Variants in KDM4C observed in about 807,000 individuals in gnomAD.
KDM4C encodes the protein lysine demethylase 4C, also known as lysine-specific demethylase 4C.
A neutral mutation model predicts 129.3 loss-of-function variants in KDM4C; 81 were observed. The ratio of observed to expected loss-of-function variants is 0.63; its 90% CI spans 0.52 to 0.75. The LOEUF (loss-of-function observed/expected upper bound fraction) is 0.75, where lower values mean the gene tolerates loss of function less well. Among genes scored for constraint, KDM4C ranks in the 30% least tolerant of loss-of-function variants. The pLI is 0.00. For missense variants in KDM4C, 1,457 were observed against 1,304.0 expected (o/e 1.12, Z -1.81); for synonymous variants, 573 against 456.1 (o/e 1.26, Z -3.26).
intron 12 of KDM4C, among the ~76,000 whole-genome samples, chr9:7,008,751 G>A (rs1328808898): frequency 6.6e-6 from 1 of 152,190 alleles, no homozygotes; most frequent in African/African-American, 2.4e-5. Flanking sequence ...TTAGGCTCCA[G>A]ATCCAACCCC....
At chr9:7,004,358 A>G (rs1442080119) in intron 12 of KDM4C, among the ~76,000 whole-genome samples, 1 of 152,232 alleles carries the variant, frequency 6.6e-6, no homozygotes, top group Non-Finnish European at 1.5e-5. Flanking sequence ...AAAAACTTTT[A>G]AGATGACATA....
chr9:6,850,823 C>T lies in KDM4C; in HGVS notation c.629+1123C>T, dbSNP rs754931528. On this transcript the variant is annotated intron_variant, in intron 5 of 21. Transcript: ENST00000381309. ...AGGCTGGAGTGCAGTGGTGCGATCT[C>T]GGCTCACTGCAACCTCCACCTCCTA... 2.2e-4 allele frequency among the ~76,000 whole-genome samples: 33 copies of T among 151,852 alleles called. No individual in the cohort carries two copies. In the East Asian group the frequency reaches 4.1e-3, roughly 19 times the overall value.
rs535902441 is a variant in KDM4C at position 7,053,725 on chromosome 9, T to TC, written c.2424+4525_2424+4526insC. Among the ~76,000 whole-genome samples, 36 of 152,348 alleles carry TC rather than the reference T, an allele frequency of 2.4e-4. No individual in the cohort carries two copies. In the East Asian group the frequency reaches 4.6e-3, roughly 20 times the overall value. ...GTCTCCATCCAGTTAAATTTGTTCT[T>TC]TCTTTCGTTTTCTTTAACAATATTT... On this transcript the variant is annotated intron_variant, in intron 17 of 21. Coordinates refer to ENST00000381309, the MANE Select transcript of KDM4C (RefSeq NM_015061.6).
At chr9:6,974,503 A>G (rs980319626) in intron 8 of KDM4C, among the ~76,000 whole-genome samples, 5 of 152,150 alleles carry the variant, frequency 3.3e-5, no homozygotes, top group Admixed American at 2.0e-4. Context: ...GATTACAGGC[A>G]TGTGCCACCA....
intron 15 of KDM4C, among the ~76,000 whole-genome samples, chr9:7,018,273 C>T (rs1824041534): frequency 6.6e-6 from 1 of 152,150 alleles, no homozygotes. Context: ...AGAAAAGGTA[C>T]AAAAGACATA....
At chr9:6,825,197 C>A (rs1249032674) in intron 4 of KDM4C, among the ~76,000 whole-genome samples, 1 of 148,590 alleles carries the variant, frequency 6.7e-6, no homozygotes, top group Non-Finnish European at 1.5e-5. Flanking sequence ...TCAGCTTCTA[C>A]ATTTAATCTG....
At chr9:6,926,032 G>A (rs1276030806) in intron 8 of KDM4C, among the ~76,000 whole-genome samples, 1 of 152,060 alleles carries the variant, frequency 6.6e-6, no homozygotes, top group Non-Finnish European at 1.5e-5. Context: ...GAGCATAGCC[G>A]CTGCGAACTG....
At chr9:7,134,428 C>A (rs917149582) in intron 19 of KDM4C, among the ~76,000 whole-genome samples, 1 of 152,124 alleles carries the variant, frequency 6.6e-6, no homozygotes, top group Non-Finnish European at 1.5e-5. Flanking sequence ...TCACATGATG[C>A]ATAAATCAAA....
intron 8 of KDM4C, among the ~76,000 whole-genome samples, chr9:6,915,650 CT>C (rs1181234214): frequency 2.6e-5 from 4 of 152,048 alleles, no homozygotes; most frequent in African/African-American, 9.7e-5. Flanking sequence ...AAAGAGACTG[CT>C]TTTGTTTTTC....
At chr9:6,956,260 G>T (rs919692274) in intron 8 of KDM4C, among the ~76,000 whole-genome samples, 2 of 152,168 alleles carry the variant, frequency 1.3e-5, no homozygotes, top group African/African-American at 4.8e-5. Context: ...TAATTGGATT[G>T]TTTGTAACTC....
intron 15 of KDM4C, among the ~76,000 whole-genome samples, chr9:7,043,680 C>T (rs1828949837): frequency 1.3e-5 from 2 of 151,216 alleles, no homozygotes; most frequent in African/African-American, 2.4e-5. Flanking sequence ...TGGTTGTTTC[C>T]TACTTTTTTT....
At chr9:7,125,078 A>C (rs573361320) in intron 18 of KDM4C, among the ~76,000 whole-genome samples, 1 of 152,052 alleles carries the variant, frequency 6.6e-6, no homozygotes, top group Non-Finnish European at 1.5e-5. Context: ...ACAGAATAAC[A>C]TTTAGATTCC....
At chr9:6,869,513 C>G (rs1025095094) in intron 5 of KDM4C, among the ~76,000 whole-genome samples, 5 of 152,134 alleles carry the variant, frequency 3.3e-5, no homozygotes, top group African/African-American at 1.2e-4. Flanking sequence ...GTATAGTGCT[C>G]CAGGAATAAT....
At chr9:6,808,567 A>C (rs1830561402) in intron 3 of KDM4C, among the ~76,000 whole-genome samples, 1 of 148,804 alleles carries the variant, frequency 6.7e-6, no homozygotes, top group Non-Finnish European at 1.5e-5. Context: ...GGAAGGCCTC[A>C]GGGTCCTCTG....
chr9:6,834,970 C>A, intron 4 of KDM4C: 1 of 995,722 alleles, frequency 1.0e-6, no homozygotes, highest in Non-Finnish European at 1.6e-6. Context: ...ATGCCCTCCC[C>A]CACACCATCC....
intron 1 of KDM4C, among the ~76,000 whole-genome samples, chr9:6,786,094 G>A (rs890094024): frequency 6.6e-6 from 1 of 152,182 alleles, no homozygotes; most frequent in Non-Finnish European, 1.5e-5. Flanking sequence ...CACAATGAGA[G>A]CTGTCAGTTT....
At chr9:6,760,049 A>G (rs945501071) in intron 1 of KDM4C, among the ~76,000 whole-genome samples, 1 of 151,910 alleles carries the variant, frequency 6.6e-6, no homozygotes, top group African/African-American at 2.4e-5. Flanking sequence ...GAATTTTTGA[A>G]TTTTTTTAAT....
rs554193323 is a variant in KDM4C, at chr9:7,135,374, C to T, written c.2781+7138C>T. ...GGACAGGTTCCTGGCACTTCCTTCC[C>T]ACTTTTTTCTTTCCAGGAGAGACTC... On this transcript the variant is annotated intron_variant, in intron 19 of 21. Transcript: ENST00000381309. 2.6e-5 allele frequency among the ~76,000 whole-genome samples: 4 copies of T among 152,328 alleles called. No homozygotes were observed. In the South Asian group the frequency reaches 8.3e-4, roughly 32 times the overall value.
chr9:6,829,875 A>G (rs535888035), intron 4 of KDM4C, among the ~76,000 whole-genome samples: 1 of 152,242 alleles, frequency 6.6e-6, no homozygotes, highest in Non-Finnish European at 1.5e-5. Flanking sequence ...AAAAAGGAAT[A>G]TAAAGATAAT....
Sources: gnomAD v4.1 joint callset for allele counts (sites outside exome capture counted in the v4.1 genomes callset) on GRCh38, gnomAD v4.1.1 for gene constraint, MANE v1.5 for transcripts, NCBI Gene and HGNC (gene_info 2026-07-23, HGNC 2026-07-21) for gene names.